The following UNC80 variants were observed in gnomAD, a reference collection of about 807,000 sequenced individuals.
The protein encoded by UNC80 is protein unc-80 homolog.
Under a neutral mutation model 384.6 loss-of-function variants are expected in UNC80, and 164 were observed. That is an observed-to-expected ratio of 0.43 (90% confidence interval 0.38 to 0.49). The LOEUF is 0.49. UNC80 is among the 20% of genes least tolerant of loss of function. The pLI is 0.00. For synonymous variants in UNC80, 1,486 were observed against 1,527.8 expected, an observed-to-expected ratio of 0.97 and a Z score of 0.64; for missense variants, 3,330 against 4,143.0, an observed-to-expected ratio of 0.80 and a Z score of 5.39.
intron 7 of UNC80, among the ~76,000 whole-genome samples, chr2:209,797,920 G>A (rs538014615): frequency 4.6e-5 from 7 of 152,246 alleles, no homozygotes; most frequent in Non-Finnish European, 1.0e-4. Flanking sequence ...GTGATGTTGA[G>A]CTTTTTTTCA....
At chr2:209,961,399 TAAGAA>T (rs2092586736) in intron 51 of UNC80, 1 of 152,176 alleles carries the variant, frequency 6.6e-6, no homozygotes, top group South Asian at 2.1e-4. Flanking sequence ...AAGAGGCACA[TAAGAA>T]AATAACTATG....
intron 51 of UNC80, among the ~76,000 whole-genome samples, chr2:209,963,576 A>G (rs1029010022): frequency 6.6e-6 from 1 of 152,260 alleles, no homozygotes; most frequent in South Asian, 2.1e-4. Flanking sequence ...TAAAATAATA[A>G]GAGAAAAGAA....
At chr2:209,910,817 C>T (rs556296103) in intron 29 of UNC80, among the ~76,000 whole-genome samples, 13 of 151,930 alleles carry the variant, frequency 8.6e-5, no homozygotes, top group African/African-American at 3.1e-4. Flanking sequence ...ATCATATTTT[C>T]AAATAATTGT....
At chr2:209,832,608 T>G (rs933348883) in intron 16 of UNC80, among the ~76,000 whole-genome samples, 6 of 152,040 alleles carry the variant, frequency 3.9e-5, no homozygotes, top group Non-Finnish European at 8.8e-5. Context: ...ACTAAAGGAG[T>G]TGAACTTTGC....
At position 209,913,952 on chromosome 2, in the gene UNC80, C is replaced by A. The variant is rs1237081804; in HGVS notation, c.5029+12C>A. On this transcript the variant is annotated intron_variant, in intron 31 of 64. Transcript: ENST00000673920. Reference sequence around the variant, plus strand: ...GGCAGGGGCAGCAGGTAAAGAAAGACCACCTGGAACCCTGTGCCTGCTGCC... The same window carrying A: ...GGCAGGGGCAGCAGGTAAAGAAAGAACACCTGGAACCCTGTGCCTGCTGCC... 6.5e-7 allele frequency: 1 copy of A among 1,535,120 alleles called. No individual in the cohort carries two copies. The highest frequency in any genetic ancestry group is 1.2e-5 in the South Asian group (1 of 83,054).
intron 47 of UNC80, among the ~76,000 whole-genome samples, chr2:209,949,905 G>A (rs2092087523): frequency 6.6e-6 from 1 of 151,996 alleles, no homozygotes; most frequent in Non-Finnish European, 1.5e-5. Flanking sequence ...ATGGCCCACT[G>A]CAGCCTTGAT....
intron 22 of UNC80, among the ~76,000 whole-genome samples, chr2:209,854,669 A>G (rs1255966853): frequency 6.6e-6 from 1 of 152,174 alleles, no homozygotes; most frequent in East Asian, 1.9e-4. Flanking sequence ...GAAAACATTT[A>G]TGTGGCCAAT....
At chr2:209,918,728 T>C in intron 33 of UNC80, 65 bp downstream of exon 33, 3 of 1,438,970 alleles carry the variant, frequency 2.1e-6, no homozygotes, top group Non-Finnish European at 9.2e-7. Flanking sequence ...ATATTTGTGG[T>C]AATTTGTTCA....
intron 21 of UNC80, among the ~76,000 whole-genome samples, chr2:209,846,787 A>G (rs781043644): frequency 4.6e-5 from 7 of 152,116 alleles, no homozygotes; most frequent in Non-Finnish European, 1.0e-4. Context: ...GTATTGCTAT[A>G]AAAAATTGAT....
intron 7 of UNC80, among the ~76,000 whole-genome samples, chr2:209,805,904 G>A (rs1246420348): frequency 1.3e-5 from 2 of 152,112 alleles, no homozygotes; most frequent in Non-Finnish European, 1.5e-5. Context: ...ATCATCGGGG[G>A]CTATGTTGGA....
At chr2:209,887,199 G>A (rs139582590) in intron 25 of UNC80, among the ~76,000 whole-genome samples, 2,189 of 152,004 alleles carry the variant, frequency 0.014, 28 homozygotes, top group Middle Eastern at 0.031. Context: ...ACCTCGCCCG[G>A]CTAATTTTGT....
At position 209,921,694 on chromosome 2, in the gene UNC80, C is replaced by T; in HGVS notation, c.5530+8C>T. 6.5e-7 allele frequency: 1 copy of T among 1,542,106 alleles called. No homozygotes were observed. The highest frequency in any genetic ancestry group is 8.7e-7 in the Non-Finnish European group (1 of 1,143,364). On this transcript the variant is annotated splice_region_variant and intron_variant, in intron 34 of 64. Coordinates refer to ENST00000673920, the MANE Select transcript of UNC80 (RefSeq NM_001371986.1). ...CAGAACCGGAAGAAGAAGGTGCCCT[C>T]TGCACACAGGACTTCTTGGGGGGCT...
In UNC80 at chr2:209,776,197, C is replaced by G. The variant is rs1045444723; in HGVS notation, c.298+152C>G. Reference sequence around the variant, plus strand: ...TCACAAAATCCTCCTCACACTTATACTCATTATTTTCATTTTACCGATAAA... The same window carrying G: ...TCACAAAATCCTCCTCACACTTATAGTCATTATTTTCATTTTACCGATAAA... On this transcript the variant is annotated intron_variant, in intron 3 of 64. Coordinates refer to ENST00000673920, the MANE Select transcript of UNC80 (RefSeq NM_001371986.1). 1.5e-5 allele frequency: 15 copies of G among 1,006,440 alleles called. No individual in the cohort carries two copies. The South Asian group carries it at 2.9e-4, about 19-fold the overall frequency. 62.3% of individuals were successfully genotyped at this position (1,006,440 alleles called of 1,614,324 possible).
chr2:209,917,346 T>G (rs1250439965), intron 31 of UNC80, among the ~76,000 whole-genome samples: 1 of 152,234 alleles, frequency 6.6e-6, no homozygotes, highest in African/African-American at 2.4e-5. Flanking sequence ...TATATGTTTC[T>G]AATAGAGCCT....
intron 7 of UNC80, among the ~76,000 whole-genome samples, chr2:209,811,726 T>G (rs2079364538): frequency 6.6e-6 from 1 of 152,210 alleles, no homozygotes; most frequent in Non-Finnish European, 1.5e-5. Flanking sequence ...TGTCAAAATA[T>G]TCAAGAATAT....
intron 27 of UNC80, among the ~76,000 whole-genome samples, chr2:209,895,045 C>T (rs986359472): frequency 8.5e-5 from 13 of 152,152 alleles, no homozygotes; most frequent in African/African-American, 2.9e-4. Context: ...ATGTGTTAAA[C>T]ACCTGAGAAT....
chr2:209,939,364 C>A, intron 42 of UNC80, 108 bp from the exon 43 acceptor site: 1 of 1,197,552 alleles, frequency 8.4e-7, no homozygotes, highest in Non-Finnish European at 1.1e-6. Flanking sequence ...CCTTTTCCGA[C>A]TTTATCAACC....
intron 4 of UNC80, among the ~76,000 whole-genome samples, chr2:209,782,407 T>A (rs11674950): frequency 0.15 from 22,271 of 152,062 alleles, 2,452 homozygotes; most frequent in African/African-American, 0.3. Context: ...CTCTTTCTAG[T>A]AAACTCCTAC....
chr2:209,873,567 A>AAATGGACCCTT (rs2084498753), intron 23 of UNC80, among the ~76,000 whole-genome samples: 1 of 152,226 alleles, frequency 6.6e-6, no homozygotes, highest in Non-Finnish European at 1.5e-5. Context: ...AATTCTAACA[A>AAATGGACCCTT]AATGGACCCT....
Sources: allele counts gnomAD v4.1 joint callset (sites outside exome capture counted in the v4.1 genomes callset), GRCh38; gene constraint gnomAD v4.1.1; transcripts MANE v1.5; gene names NCBI Gene and HGNC (gene_info 2026-07-23, HGNC 2026-07-21).